Variants in C1QTNF3 observed in about 807,000 individuals in gnomAD.
C1QTNF3 encodes the protein complement C1q tumor necrosis factor-related protein 3.
A neutral mutation model predicts 32.6 loss-of-function variants in C1QTNF3; 26 were observed. That is an observed-to-expected ratio of 0.80 (90% CI 0.58 to 1.11). The LOEUF (loss-of-function observed/expected upper bound fraction) is 1.11. C1QTNF3 is among the 50% of genes least tolerant of loss of function. The probability of loss-of-function intolerance (pLI) is 0.00; values close to 1 mark genes in which losing one functional copy is unlikely to be tolerated. For missense variants in C1QTNF3, 362 were observed against 398.2 expected (o/e 0.91, Z 0.77); for synonymous variants, 155 against 146.0 (o/e 1.06, Z -0.44).
the C1QTNF3 span, among the ~76,000 whole-genome samples, chr5:34,087,929 C>G: frequency 6.6e-6 from 1 of 152,152 alleles, no homozygotes; most frequent in African/African-American, 2.4e-5. Flanking sequence ...CTCTAGATTC[C>G]TGTAATATGA....
the C1QTNF3 span, among the ~76,000 whole-genome samples, chr5:34,141,344 T>C: frequency 1.3e-5 from 2 of 152,166 alleles, no homozygotes; most frequent in African/African-American, 4.8e-5. Flanking sequence ...AGTCTCGATC[T>C]CCTGACCTCG....
intron 1 of C1QTNF3, among the ~76,000 whole-genome samples, chr5:34,038,994 G>A (rs1156902852): frequency 6.6e-6 from 1 of 152,122 alleles, no homozygotes; most frequent in Non-Finnish European, 1.5e-5. Flanking sequence ...ACTGGTTATC[G>A]GCAGCTTCCC....
At chr5:34,051,710 C>T in the C1QTNF3 span, among the ~76,000 whole-genome samples, 4 of 152,204 alleles carry the variant, frequency 2.6e-5, no homozygotes, top group Non-Finnish European at 4.4e-5. Context: ...GGAGGCCTTT[C>T]CTGATTTCTC....
the C1QTNF3 span, among the ~76,000 whole-genome samples, chr5:34,238,758 G>C: frequency 3.3e-5 from 5 of 152,082 alleles, no homozygotes; most frequent in Admixed American, 6.5e-5. Flanking sequence ...TCGCTAGAGA[G>C]AGTGACATGT....
At chr5:34,161,602 C>G in the C1QTNF3 span, among the ~76,000 whole-genome samples, 1 of 152,080 alleles carries the variant, frequency 6.6e-6, no homozygotes. Flanking sequence ...GGACATTTTA[C>G]TATTTTTCAG....
chr5:34,115,357 T>A, the C1QTNF3 span, among the ~76,000 whole-genome samples: 1 of 152,150 alleles, frequency 6.6e-6, no homozygotes. Flanking sequence ...GAGACACAAT[T>A]TTAGAATACA....
chr5:34,138,497 GT>G, the C1QTNF3 span, among the ~76,000 whole-genome samples: 2 of 150,606 alleles, frequency 1.3e-5, no homozygotes. Context: ...TTGAGTATTT[GT>G]TTTTTTTTAT....
intron 5 of C1QTNF3, among the ~76,000 whole-genome samples, chr5:34,021,547 T>C (rs1754329650): frequency 6.6e-6 from 1 of 152,244 alleles, no homozygotes; most frequent in African/African-American, 2.4e-5. Flanking sequence ...ATAAAGTTGA[T>C]GTTTTTTCCT....
the C1QTNF3 span, among the ~76,000 whole-genome samples, chr5:34,054,024 G>A: frequency 2.0e-5 from 3 of 152,184 alleles, no homozygotes; most frequent in Non-Finnish European, 4.4e-5. Context: ...AACAGGCCGA[G>A]TATGGAAAGA....
At position 34,023,147 on chromosome 5, in the gene C1QTNF3, G is replaced by C. The variant is rs111542746; in HGVS notation, c.800+762C>G. Among the ~76,000 whole-genome samples, 5 of 152,166 alleles carry C rather than the reference G, an allele frequency of 3.3e-5. No homozygotes were observed. The East Asian group carries it at 9.6e-4, about 29-fold the overall frequency. On this transcript the variant is annotated intron_variant, in intron 5 of 5. Coordinates refer to ENST00000382065, the MANE Select transcript of C1QTNF3 (RefSeq NM_181435.6). ...TGGGATTACAGGCGTGAGCCACCGCGCCTGGCTCAAAGTCAGTTTTATAGA... is the reference window on the plus strand; with the variant it reads ...TGGGATTACAGGCGTGAGCCACCGCCCCTGGCTCAAAGTCAGTTTTATAGA...
the C1QTNF3 span, among the ~76,000 whole-genome samples, chr5:34,162,112 G>A: frequency 1.3e-5 from 2 of 151,900 alleles, no homozygotes; most frequent in East Asian, 1.9e-4. Context: ...TGCACATTAG[G>A]GACTTAGTTC....
chr5:34,038,412 A>C (rs1206118570), intron 1 of C1QTNF3, among the ~76,000 whole-genome samples: 2 of 152,090 alleles, frequency 1.3e-5, no homozygotes, highest in Non-Finnish European at 2.9e-5. Flanking sequence ...GTATTGGAAG[A>C]GCTATCACAG....
In C1QTNF3 at chr5:34,028,820, T is replaced by C; in HGVS notation, c.634A>G (p.Ser212Gly). The change falls in exon 4 of 6, where the codon AGT becomes GGT. Residue 212 changes from serine (S) to glycine (G), a missense_variant. Transcript: ENST00000382065. ...AAGTTTCCAATGTTGGTCTCAACAC[T>C]GCTGAAGATAATCCCACTGTTCTGA... ...SNQNSGIIFS[S>G]VETNIGNFFD... 1 of 1,613,628 alleles carries C rather than the reference T, an allele frequency of 6.2e-7. No individual in the cohort carries two copies. The highest frequency in any genetic ancestry group is 8.5e-7 in the Non-Finnish European group (1 of 1,179,738).
chr5:34,228,846 T>C, the C1QTNF3 span, among the ~76,000 whole-genome samples: 11 of 151,668 alleles, frequency 7.3e-5, no homozygotes, highest in Non-Finnish European at 1.0e-4. Context: ...ATGCCGTCCT[T>C]AGTCACTCTC....
chr5:34,141,436 A>C, the C1QTNF3 span, among the ~76,000 whole-genome samples: 3 of 152,084 alleles, frequency 2.0e-5, no homozygotes, highest in Admixed American at 2.0e-4. Flanking sequence ...GCTCCTTCTA[A>C]GGGCTGTGAG....
intron 4 of C1QTNF3, among the ~76,000 whole-genome samples, chr5:34,027,735 C>CAAAAA (rs34375086): frequency 4.4e-4 from 36 of 81,004 alleles, no homozygotes; most frequent in Admixed American, 8.1e-4. Flanking sequence ...CCACCACCAC[C>CAAAAA]AAAAAAAAAA....
At chr5:34,203,113 T>TTCA in the C1QTNF3 span, among the ~76,000 whole-genome samples, 2 of 152,102 alleles carry the variant, frequency 1.3e-5, no homozygotes, top group East Asian at 3.9e-4. Flanking sequence ...AAGGTCAACA[T>TTCA]TCATCATCAT....
the C1QTNF3 span, among the ~76,000 whole-genome samples, chr5:34,173,954 T>C: frequency 6.6e-6 from 1 of 152,226 alleles, no homozygotes; most frequent in African/African-American, 2.4e-5. Context: ...ATAGTCTACA[T>C]GGGAAATGCT....
the C1QTNF3 span, among the ~76,000 whole-genome samples, chr5:34,197,781 A>T: frequency 6.6e-6 from 1 of 152,044 alleles, no homozygotes; most frequent in Non-Finnish European, 1.5e-5. Flanking sequence ...CTTATAAACA[A>T]CAGAAATGTT....
Sources: gnomAD v4.1 joint callset for allele counts (sites outside exome capture counted in the v4.1 genomes callset) on GRCh38, gnomAD v4.1.1 for gene constraint, MANE v1.5 for transcripts, NCBI Gene and HGNC (gene_info 2026-07-23, HGNC 2026-07-21) for gene names.